Variants in GRAMD1A observed in about 807,000 individuals in gnomAD.
The protein encoded by GRAMD1A is protein Aster-A.
GRAMD1A carries 50 observed loss-of-function variants against 92.0 expected under a neutral mutation model. The observed-to-expected ratio is 0.54, with a 90% CI of 0.43 to 0.69. The LOEUF (loss-of-function observed/expected upper bound fraction) is 0.69. Among genes scored for constraint, GRAMD1A ranks in the 30% least tolerant of loss-of-function variants. The pLI is 0.00. For synonymous variants in GRAMD1A, 405 were observed against 403.6 expected, an observed-to-expected ratio of 1.00 and a Z score of -0.04; for missense variants, 819 against 978.9, an observed-to-expected ratio of 0.84 and a Z score of 2.18.
chr19:35,015,957 C>T lies in GRAMD1A; in HGVS notation c.1203C>T (p.Cys401=), dbSNP rs1215273884. Residue 401 remains cysteine, a synonymous_variant, in exon 11 of 20, where the codon TGC becomes TGT. Coordinates refer to ENST00000317991, the MANE Select transcript of GRAMD1A (RefSeq NM_020895.5). The stretch of plus-strand genomic sequence containing the variant: ...TCCTCCAGGGCTTCCTACAGCAGTG[C>T]AAGTTCACAGGTCAGCGGGCGCATG... ...SPFLQGFLQQ[C]KFTDVTLSPW... The T allele has an allele frequency of 6.2e-7, 1 of 1,613,308 alleles. No homozygotes were observed. Among genetic ancestry groups the T allele is most frequent in the Non-Finnish European group, 8.5e-7 (1 of 1,179,608 alleles).
chr19:35,013,105 G>T lies in GRAMD1A; in HGVS notation c.607-151G>T, dbSNP rs1006525589. On this transcript the variant is annotated intron_variant, in intron 7 of 19. Coordinates refer to ENST00000317991, the MANE Select transcript of GRAMD1A (RefSeq NM_020895.5). This position sits in a 1 kb window ranked among gnomAD's most constrained non-coding sequence, Gnocchi z 4.9. ...GAGGGGCTGTAGCAGGGGATTCCCC[G>T]CTTGCTGAGGCCAGGTCTGGTGCGG... The T allele has an allele frequency of 6.9e-6, 4 of 583,696 alleles. No individual in the cohort carries two copies. The highest frequency in any genetic ancestry group is 1.2e-5 in the Non-Finnish European group (4 of 323,450). The allele number at this position is 583,696 out of a possible 1,614,324, so 36.2% of individuals were successfully genotyped here. A position where few individuals can be genotyped will look rare whatever the true frequency, so the allele number is the denominator to read the frequency against.
chr19:35,009,985 C>T lies in GRAMD1A; in HGVS notation c.325+13C>T, dbSNP rs771512302. On this transcript the variant is annotated intron_variant, in intron 4 of 19. Coordinates refer to ENST00000317991, the MANE Select transcript of GRAMD1A (RefSeq NM_020895.5). ...CGCCTCATTGTGGGTGAGTCCCGGA[C>T]CCCCAGTCCCAGCTCCTAGCCCAGC... 2 of 1,590,530 alleles carry T rather than the reference C, an allele frequency of 1.3e-6. No individual in the cohort carries two copies. The highest frequency in any genetic ancestry group is 8.6e-7 in the Non-Finnish European group (1 of 1,158,450).
chr19:35,012,480 C>T (rs376737513), intron 7 of GRAMD1A, among the ~76,000 whole-genome samples: 1 of 152,260 alleles, frequency 6.6e-6, no homozygotes, highest in African/African-American at 2.4e-5. Context: ...TTCAGCCACT[C>T]TGGCCATGGG....
At chr19:35,017,394 C>G (rs2015717724) in intron 11 of GRAMD1A, among the ~76,000 whole-genome samples, 1 of 152,034 alleles carries the variant, frequency 6.6e-6, no homozygotes, top group Non-Finnish European at 1.5e-5. Context: ...GCCTTGTAGC[C>G]CCCCAACACA....
rs375007630 is a variant in GRAMD1A, at chr19:35,014,399, G to T, written c.1069+12G>T. The stretch of plus-strand genomic sequence containing the variant: ...CACTGGGGAGGAAGGTGAGGCAGGC[G>T]GGCCCAATTCATTCGCCTCCGGTAC... On this transcript the variant is annotated intron_variant, in intron 10 of 19. Transcript: ENST00000317991. 7 of 1,611,840 alleles carry T rather than the reference G, an allele frequency of 4.3e-6. No homozygotes were observed. Among genetic ancestry groups the T allele is most frequent in the African/African-American group, 1.3e-5 (1 of 74,994 alleles).
intron 11 of GRAMD1A, 149 bp downstream of exon 11, chr19:35,016,116 G>A: frequency 1.3e-6 from 1 of 788,928 alleles, no homozygotes; most frequent in Non-Finnish European, 2.0e-6. Flanking sequence ...AAGCAGCTCT[G>A]CCACTTACTA....
intron 1 of GRAMD1A, among the ~76,000 whole-genome samples, chr19:35,004,973 C>T (rs974638139): frequency 3.3e-5 from 5 of 152,112 alleles, no homozygotes; most frequent in African/African-American, 7.2e-5. Context: ...AGAAAGGACG[C>T]GGTGGCACTT....
intron 11 of GRAMD1A, among the ~76,000 whole-genome samples, chr19:35,017,638 T>A (rs2015737740): frequency 6.6e-6 from 1 of 152,078 alleles, no homozygotes; most frequent in South Asian, 2.1e-4. Context: ...AATATTGGCC[T>A]CCAGCCTCAG....
At chr19:35,010,617 C>G (rs775628907) in intron 6 of GRAMD1A, 6 of 594,398 alleles carry the variant, frequency 1.0e-5, no homozygotes, top group Non-Finnish European at 6.0e-6. Context: ...AATAGTAAAA[C>G]TCTTCCATGT....
chr19:34,997,829 G>A (rs1032590416), upstream of GRAMD1A, among the ~76,000 whole-genome samples: 5 of 151,974 alleles, frequency 3.3e-5, no homozygotes, highest in Non-Finnish European at 5.9e-5. Flanking sequence ...CACTTTGGGA[G>A]GCCGAGGCGG....
intron 16 of GRAMD1A, among the ~76,000 whole-genome samples, chr19:35,022,242 G>C (rs953121757): frequency 6.6e-6 from 1 of 152,124 alleles, no homozygotes; most frequent in East Asian, 1.9e-4. Flanking sequence ...AGAGCCGGGG[G>C]GGGCTATGGG....
intron 13 of GRAMD1A, 28 bp downstream of exon 13, chr19:35,019,561 GA>G: frequency 6.2e-7 from 1 of 1,610,482 alleles, no homozygotes; most frequent in Non-Finnish European, 8.5e-7. Context: ...CCCTCCACCC[GA>G]TGCCCTGGTG....
intron 1 of GRAMD1A, among the ~76,000 whole-genome samples, chr19:35,006,960 T>C (rs558222086): frequency 1.6e-3 from 239 of 152,070 alleles, no homozygotes; most frequent in African/African-American, 5.4e-3. Context: ...GGACTACAAA[T>C]GTGGAGGCCT....
chr19:34,995,584 T>TTTTTTTTTTTTTTTTTTTTTTTG (rs1568310048), upstream of GRAMD1A, among the ~76,000 whole-genome samples: 1 of 143,738 alleles, frequency 7.0e-6, no homozygotes, highest in Non-Finnish European at 1.5e-5. Flanking sequence ...TTTTTTTTTT[T>TTTTTTTTTTTTTTTTTTTTTTTG]TTTTTTTTTT....
rs1315074372 is a variant in GRAMD1A at position 35,013,262 on chromosome 19, A to AGT, written c.614_615dup (p.Pro206ValfsTer32). The stretch of plus-strand genomic sequence containing the variant: ...CCAGGTCCCGCCTCCCCAGACGCTG[A>AGT]GTCCCCGCGAGCTCTGGCACCTGGT... On this transcript the variant is annotated frameshift_variant, in exon 8 of 20. Coordinates refer to ENST00000317991, the MANE Select transcript of GRAMD1A (RefSeq NM_020895.5). LOFTEE classifies it high-confidence loss of function. The surrounding 1 kb of genome is among the most constrained non-coding windows in gnomAD (Gnocchi z 4.9). 2.6e-6 allele frequency: 4 copies of AGT among 1,535,084 alleles called. No homozygotes were observed. The African/African-American group carries it at 5.5e-5, about 21-fold the overall frequency.
At chr19:34,995,568 CG>C (rs201179224), upstream of GRAMD1A, among the ~76,000 whole-genome samples, 17,969 of 72,152 alleles carry the variant, frequency 0.25, 3,763 homozygotes, top group Middle Eastern at 0.39. Flanking sequence ...TCTCAGATCA[CG>C]GGTTTTTTTT....
At position 35,011,576 on chromosome 19, in the gene GRAMD1A, G is replaced by T. The variant is rs745956062; in HGVS notation, c.606+22G>T. The stretch of plus-strand genomic sequence containing the variant: ...AAAGGTGGGCCTGGGTGAGGCCCGG[G>T]TGGGGATGGGGGGTTTCCAGGGGGA... On this transcript the variant is annotated intron_variant, in intron 7 of 19. Coordinates refer to ENST00000317991, the MANE Select transcript of GRAMD1A (RefSeq NM_020895.5). 2.6e-6 allele frequency: 4 copies of T among 1,558,018 alleles called. No individual in the cohort carries two copies. In the African/African-American group the frequency reaches 5.4e-5, roughly 21 times the overall value.
In GRAMD1A at chr19:35,013,066, G is replaced by A; in HGVS notation, c.607-190G>A. The A allele has an allele frequency of 1.8e-6, 1 of 565,826 alleles. No homozygotes were observed. Among genetic ancestry groups the A allele is most frequent in the Non-Finnish European group, 3.2e-6 (1 of 314,316 alleles). 35.1% of individuals were successfully genotyped at this position (565,826 alleles called of 1,614,324 possible). Reference sequence around the variant, plus strand: ...TTGGGAAGCAGGAAGTTTGAGTCCTGGGCGCAGGCCCTGGAGGGGCTGTAG... The same window carrying A: ...TTGGGAAGCAGGAAGTTTGAGTCCTAGGCGCAGGCCCTGGAGGGGCTGTAG... On this transcript the variant is annotated intron_variant, in intron 7 of 19. Coordinates refer to ENST00000317991, the MANE Select transcript of GRAMD1A (RefSeq NM_020895.5). This position sits in a 1 kb window ranked among gnomAD's most constrained non-coding sequence, Gnocchi z 4.9.
chr19:35,016,005 G>A (rs1286492306), intron 11 of GRAMD1A, 38 bp downstream of exon 11: 6 of 1,601,076 alleles, frequency 3.7e-6, no homozygotes, highest in Non-Finnish European at 5.1e-6. Context: ...AGGTTACCCA[G>A]GTGCAGGGGA....
Sources: allele counts gnomAD v4.1 joint callset (sites outside exome capture counted in the v4.1 genomes callset), GRCh38; gene constraint gnomAD v4.1.1; non-coding constraint Gnocchi (gnomAD v3.1); transcripts MANE v1.5; gene names NCBI Gene and HGNC (gene_info 2026-07-23, HGNC 2026-07-21).